The following SIK3 variants were observed in gnomAD, a reference collection of about 807,000 sequenced individuals.
SIK3 encodes the protein serine/threonine-protein kinase SIK3.
In SIK3, 28 loss-of-function variants were observed where a neutral mutation model predicts 144.2. The observed-to-expected ratio is 0.19, with a 90% CI of 0.14 to 0.27. The LOEUF (loss-of-function observed/expected upper bound fraction) is 0.27. SIK3 is among the 10% of genes least tolerant of loss of function. The pLI, the probability that SIK3 is intolerant of heterozygous loss-of-function variation, is 1.00. For missense variants in SIK3, 1,319 were observed against 1,776.0 expected (o/e 0.74, Z 4.62); for synonymous variants, 686 against 676.3 (o/e 1.01, Z -0.22).
At chr11:117,020,735 G>A (rs947159384) in intron 1 of SIK3, among the ~76,000 whole-genome samples, 21 of 152,214 alleles carry the variant, frequency 1.4e-4, no homozygotes, top group East Asian at 3.8e-4. Context: ...AAGCTCCTGC[G>A]TTCAGTACTC....
intron 1 of SIK3, among the ~76,000 whole-genome samples, chr11:117,094,564 T>C (rs1368451200): frequency 6.6e-6 from 1 of 152,054 alleles, no homozygotes; most frequent in Admixed American, 6.6e-5. Flanking sequence ...ACTCTGGCAG[T>C]GTCACTGCAC....
chr11:117,083,800 C>T (rs1023959432), intron 1 of SIK3, among the ~76,000 whole-genome samples: 4 of 152,126 alleles, frequency 2.6e-5, no homozygotes, highest in Non-Finnish European at 5.9e-5. Flanking sequence ...AGATTGCTTC[C>T]GCCAGAAACA....
At chr11:117,094,811 T>A (rs1324743101) in intron 1 of SIK3, among the ~76,000 whole-genome samples, 1 of 149,672 alleles carries the variant, frequency 6.7e-6, no homozygotes, top group African/African-American at 2.4e-5. Flanking sequence ...TCAGGCTAAG[T>A]AAGGCTCTTC....
At position 117,098,198 on chromosome 11, in the gene SIK3, C is replaced by T; in HGVS notation, c.218G>A (p.Gly73Asp). The change falls in exon 1 of 25, where the codon GGC (glycine) becomes GAC (aspartate). Residue 73 changes from glycine (G) to aspartate (D), a missense_variant. Coordinates refer to ENST00000445177, the MANE Select transcript of SIK3 (RefSeq NM_001366686.3). ...CTTGACCACCGCGAAGTTGCCCTTG[C>T]CGATGGTGCGGTCGATCTCGTAGTA... Reference protein sequence around the residue: ...IGYYEIDRTIGKGNFAVVKRA... With the variant: ...IGYYEIDRTIDKGNFAVVKRA... 2 of 1,523,460 alleles carry T rather than the reference C, an allele frequency of 1.3e-6. No homozygotes were observed. The highest frequency in any genetic ancestry group is 8.8e-7 in the Non-Finnish European group (1 of 1,135,942). 94.4% of individuals were successfully genotyped at this position (1,523,460 alleles called of 1,614,324 possible). A position where few individuals can be genotyped will look rare whatever the true frequency, so the allele number is the denominator to read the frequency against.
At chr11:117,003,334 C>T (rs1565545556) in intron 1 of SIK3, among the ~76,000 whole-genome samples, 1 of 152,142 alleles carries the variant, frequency 6.6e-6, no homozygotes. Context: ...TTGACTCAGG[C>T]AGATCTGGTT....
intron 1 of SIK3, among the ~76,000 whole-genome samples, chr11:117,007,451 T>C (rs1352651119): frequency 6.6e-6 from 1 of 152,180 alleles, no homozygotes; most frequent in Non-Finnish European, 1.5e-5. Context: ...TGCTTTCTTG[T>C]CACCAAAAGG....
rs957284066 is a variant in SIK3 at position 117,067,234 on chromosome 11, A to C, written c.273+30909T>G. Among the ~76,000 whole-genome samples the C allele has an allele frequency of 2.6e-5, 4 of 152,242 alleles. No individual in the cohort carries two copies. The South Asian group carries it at 6.2e-4, about 24-fold the overall frequency. ...CTACGCAAAGCTGTACATGAAGTTCATAACAGCCTTATTCATAAAAGCAAG... is the reference window on the plus strand; with the variant it reads ...CTACGCAAAGCTGTACATGAAGTTCCTAACAGCCTTATTCATAAAAGCAAG... On this transcript the variant is annotated intron_variant, in intron 1 of 24. Transcript: ENST00000445177.
intron 1 of SIK3, among the ~76,000 whole-genome samples, chr11:116,972,516 A>G (rs1949799146): frequency 6.6e-6 from 1 of 152,096 alleles, no homozygotes; most frequent in Admixed American, 6.5e-5. Flanking sequence ...CCTCCATTTA[A>G]CCTTGTACCC....
At chr11:116,888,269 C>A (rs1319559517) in intron 6 of SIK3, among the ~76,000 whole-genome samples, 1 of 152,228 alleles carries the variant, frequency 6.6e-6, no homozygotes, top group Non-Finnish European at 1.5e-5. Context: ...AAGGAAGGAT[C>A]TTGTGCATAA....
intron 3 of SIK3, among the ~76,000 whole-genome samples, chr11:116,944,256 A>C (rs754326838): frequency 5.3e-5 from 8 of 152,162 alleles, no homozygotes; most frequent in Non-Finnish European, 8.8e-5. Context: ...GGTTCTTGGA[A>C]TGTTATGTCT....
chr11:116,945,263 C>T (rs1470876388), intron 3 of SIK3, among the ~76,000 whole-genome samples: 1 of 151,966 alleles, frequency 6.6e-6, no homozygotes, highest in Non-Finnish European at 1.5e-5. Context: ...AACATGTGGA[C>T]AGTGGCTGTC....
At chr11:116,946,425 A>T (rs1300523499) in intron 3 of SIK3, among the ~76,000 whole-genome samples, 1 of 152,120 alleles carries the variant, frequency 6.6e-6, no homozygotes, top group Non-Finnish European at 1.5e-5. Flanking sequence ...CCAAGCCCTA[A>T]TTTTCACAGG....
chr11:117,021,015 C>A (rs1951742404), intron 1 of SIK3, among the ~76,000 whole-genome samples: 1 of 152,156 alleles, frequency 6.6e-6, no homozygotes, highest in African/African-American at 2.4e-5. Context: ...GACGCTATCT[C>A]CAGGTAGACA....
chr11:116,948,727 T>C (rs1016921009), intron 3 of SIK3, among the ~76,000 whole-genome samples: 3 of 152,214 alleles, frequency 2.0e-5, no homozygotes, highest in Non-Finnish European at 4.4e-5. Context: ...TATCTTTTGG[T>C]TTCACTGATA....
chr11:116,900,942 G>A (rs756024927), intron 4 of SIK3, among the ~76,000 whole-genome samples: 7 of 151,220 alleles, frequency 4.6e-5, no homozygotes, highest in Non-Finnish European at 8.8e-5. Flanking sequence ...TTGGCTCACC[G>A]CAACCTCCAC....
At chr11:116,938,559 AGGGGAGGGGAGG>A (rs1948085972) in intron 3 of SIK3, among the ~76,000 whole-genome samples, 1 of 39,886 alleles carries the variant, frequency 2.5e-5, no homozygotes, top group Non-Finnish European at 3.9e-5. Flanking sequence ...AGGGGAGGGG[AGGGGAGGGGAGG>A]GGAGGGGAGG....
chr11:116,918,703 C>A (rs542073526), intron 4 of SIK3, among the ~76,000 whole-genome samples: 1 of 152,112 alleles, frequency 6.6e-6, no homozygotes, highest in Non-Finnish European at 1.5e-5. Context: ...CCAAGATATA[C>A]GAGAAACCGT....
intron 3 of SIK3, among the ~76,000 whole-genome samples, chr11:116,929,175 G>A (rs1947456145): frequency 6.6e-6 from 1 of 152,186 alleles, no homozygotes; most frequent in South Asian, 2.1e-4. Context: ...TTTTCTAACA[G>A]TACCTGCTCC....
At chr11:116,921,005 T>C (rs937090943) in intron 4 of SIK3, among the ~76,000 whole-genome samples, 3 of 152,222 alleles carry the variant, frequency 2.0e-5, no homozygotes, top group African/African-American at 7.2e-5. Context: ...GATACTATCA[T>C]CCAGCGATGC....
Sources: gnomAD v4.1 joint callset for allele counts (sites outside exome capture counted in the v4.1 genomes callset) on GRCh38, gnomAD v4.1.1 for gene constraint, MANE v1.5 for transcripts, NCBI Gene and HGNC (gene_info 2026-07-23, HGNC 2026-07-21) for gene names.